Variants in IL16 observed in about 807,000 individuals in gnomAD.
The protein encoded by IL16 is pro-interleukin-16.
In IL16, 67 loss-of-function variants were observed where a neutral mutation model predicts 110.1. The observed-to-expected ratio is 0.61, with a 90% confidence interval of 0.50 to 0.75. IL16 has a LOEUF of 0.75. IL16 is among the 30% of genes least tolerant of loss of function. The pLI is 0.00. For missense variants in IL16, 1,545 were observed against 1,655.0 expected (o/e 0.93, Z 1.15); for synonymous variants, 689 against 662.9 (o/e 1.04, Z -0.61).
chr15:81,186,939 G>C (rs58168098), intron 1 of IL16, among the ~76,000 whole-genome samples: 3 of 152,066 alleles, frequency 2.0e-5, no homozygotes, highest in Non-Finnish European at 4.4e-5. Flanking sequence ...GATTACAAGA[G>C]TGAGCCACCA....
At chr15:81,283,779 G>C (rs916019772) in intron 9 of IL16, among the ~76,000 whole-genome samples, 2 of 152,168 alleles carry the variant, frequency 1.3e-5, no homozygotes, top group African/African-American at 4.8e-5. Flanking sequence ...GCTGAGGCGA[G>C]TGAATGGCCT....
chr15:81,223,268 G>A (rs1896679672), intron 1 of IL16, among the ~76,000 whole-genome samples: 1 of 151,724 alleles, frequency 6.6e-6, no homozygotes, highest in Admixed American at 6.6e-5. Flanking sequence ...ATGAGGGGAG[G>A]AAGTACAAAG....
At chr15:81,304,480 G>A (rs1203103420) in intron 16 of IL16, among the ~76,000 whole-genome samples, 1 of 152,200 alleles carries the variant, frequency 6.6e-6, no homozygotes. Flanking sequence ...TGTTGGCTGA[G>A]CACATGCACA....
intron 1 of IL16, among the ~76,000 whole-genome samples, chr15:81,199,667 A>G (rs1193574135): frequency 6.6e-6 from 1 of 152,168 alleles, no homozygotes; most frequent in Non-Finnish European, 1.5e-5. Flanking sequence ...GTCACCTACA[A>G]ACATCCCTTC....
At chr15:81,202,323 G>A (rs1456994069) in intron 1 of IL16, among the ~76,000 whole-genome samples, 1 of 152,200 alleles carries the variant, frequency 6.6e-6, no homozygotes, top group East Asian at 1.9e-4. Flanking sequence ...CCTGTTCTCA[G>A]AGCACAGACA....
At chr15:81,199,034 TATATATATATATA>T (rs1895713950) in intron 1 of IL16, among the ~76,000 whole-genome samples, 1 of 123,992 alleles carries the variant, frequency 8.1e-6, no homozygotes, top group Non-Finnish European at 1.7e-5. Context: ...AAAAAAAATA[TATATATATATATA>T]TATATATATA....
chr15:81,239,721 G>C (rs1430991937), intron 2 of IL16, among the ~76,000 whole-genome samples: 1 of 152,168 alleles, frequency 6.6e-6, no homozygotes, highest in South Asian at 2.1e-4. Context: ...GTCTTTGCTG[G>C]TCTTCCTCCT....
In IL16 at chr15:81,313,175, G is replaced by A. The variant is rs370844602; in HGVS notation, c.*4377G>A. 28 of 1,424,948 alleles carry A rather than the reference G, an allele frequency of 2.0e-5. No individual in the cohort carries two copies. The African/African-American group carries it at 4.0e-4, about 20-fold the overall frequency. The allele number at this position is 1,424,948 out of a possible 1,614,324, so 88.3% of individuals were successfully genotyped here. A position where few individuals can be genotyped will look rare whatever the true frequency, so the allele number is the denominator to read the frequency against. The stretch of plus-strand genomic sequence containing the variant: ...AAAGAGTGAACACAGGCCTCTGCGT[G>A]CTCCCAGGCTCCTTGGTGTCCCAAC... On this transcript the variant is annotated 3_prime_UTR_variant, in exon 19 of 19. Coordinates refer to ENST00000683961, the MANE Select transcript of IL16 (RefSeq NM_172217.5).
chr15:81,190,780 C>T (rs1015177628), intron 1 of IL16, among the ~76,000 whole-genome samples: 5 of 152,146 alleles, frequency 3.3e-5, no homozygotes, highest in Non-Finnish European at 5.9e-5. Flanking sequence ...GTGTCTAGGA[C>T]GGCGAGACAA....
chr15:81,293,781 AGACT>A (rs1380549124), intron 12 of IL16, among the ~76,000 whole-genome samples: 4 of 152,256 alleles, frequency 2.6e-5, no homozygotes, highest in Admixed American at 2.0e-4. Flanking sequence ...CATAAAAGGC[AGACT>A]GACTGACAGA....
chr15:81,236,323 A>T (rs564242972), intron 2 of IL16, among the ~76,000 whole-genome samples: 1 of 152,304 alleles, frequency 6.6e-6, no homozygotes, highest in East Asian at 1.9e-4. Context: ...TTCCTGCCGC[A>T]GAAGAGCGAC....
intron 2 of IL16, among the ~76,000 whole-genome samples, chr15:81,257,934 C>T (rs1342092532): frequency 2.0e-5 from 3 of 152,164 alleles, no homozygotes; most frequent in Non-Finnish European, 4.4e-5. Context: ...GTGACAGCCA[C>T]AGAAAGACAT....
Position 81,312,712 on chromosome 15 carries a change from T to C in IL16, c.*3914T>C, listed in dbSNP as rs1900927298. The stretch of plus-strand genomic sequence containing the variant: ...CTGTTTTTAAACCATTATTTCCAAG[T>C]TGACACCTTTTTTAAGGAAAAATAA... On this transcript the variant is annotated 3_prime_UTR_variant, in exon 19 of 19. Transcript: ENST00000683961. 6.6e-6 allele frequency: 1 copy of C among 152,278 alleles called. No individual in the cohort carries two copies. The highest frequency in any genetic ancestry group is 1.5e-5 in the Non-Finnish European group (1 of 68,052). 9.4% of individuals were successfully genotyped at this position (152,278 alleles called of 1,614,324 possible). A position where few individuals can be genotyped will look rare whatever the true frequency, so the allele number is the denominator to read the frequency against.
rs1899083277 is a variant in IL16, at chr15:81,279,706, G to T, written c.1013G>T (p.Ser338Ile). 3 of 1,614,138 alleles carry T rather than the reference G, an allele frequency of 1.9e-6. No homozygotes were observed. Among genetic ancestry groups the T allele is most frequent in the South Asian group, 2.2e-5 (2 of 91,094 alleles). ...GACAGCAGCTCCTTCGCCTTGGAAA[G>T]CCCCTCGGCTCCCATCAGCACCGCC... Reference protein sequence around the residue: ...TKDSSSFALESPSAPISTAKP... With the variant: ...TKDSSSFALEIPSAPISTAKP... Residue 338 changes from serine to isoleucine, a missense_variant, in exon 8 of 19, where the codon AGC (serine) becomes ATC (isoleucine). This residue lies in a region of IL16 where 1,185 missense variants were observed against 1,238.8 expected (regional missense o/e 0.96). Coordinates refer to ENST00000683961, the MANE Select transcript of IL16 (RefSeq NM_172217.5).
intron 12 of IL16, among the ~76,000 whole-genome samples, chr15:81,293,922 A>C (rs1434524581): frequency 1.3e-5 from 2 of 150,354 alleles, no homozygotes; most frequent in Admixed American, 1.3e-4. Flanking sequence ...GAGGGAACTG[A>C]GAAACTCGCT....
chr15:81,303,423 G>A lies in IL16; in HGVS notation c.3319-126G>A, dbSNP rs539181546. ...GATGAGGAAACTGAGGTTTGAGGAG[G>A]TGATGTAACTTGGAGGCTGGCCAAG... On this transcript the variant is annotated intron_variant, in intron 15 of 18. Transcript: ENST00000683961. This position sits in a 1 kb window ranked among gnomAD's most constrained non-coding sequence, Gnocchi z 4.1. The A allele has an allele frequency of 2.3e-4, 151 of 661,108 alleles. No homozygotes were observed. The African/African-American group carries it at 2.5e-3, about 11-fold the overall frequency. 41.0% of individuals were successfully genotyped at this position (661,108 alleles called of 1,614,324 possible).
At chr15:81,277,077 CA>C (rs567677800) in intron 6 of IL16, among the ~76,000 whole-genome samples, 13 of 149,964 alleles carry the variant, frequency 8.7e-5, no homozygotes, top group African/African-American at 3.2e-4. Context: ...TGGAAATGAG[CA>C]AAAAAAGCAG....
intron 2 of IL16, among the ~76,000 whole-genome samples, chr15:81,231,379 T>TCC (rs1182596690): frequency 6.9e-6 from 1 of 144,746 alleles, no homozygotes; most frequent in African/African-American, 2.7e-5. Flanking sequence ...TCTCTCTCTC[T>TCC]CTCCCTCTCT....
chr15:81,198,218 C>T lies in IL16; in HGVS notation c.-102+1066C>T, dbSNP rs540738377. ...ATAAAACTTAGTACCCCAACCATTT[C>T]CTGGCCACTCTTCAAGCCCCAGGCA... On this transcript the variant is annotated intron_variant, in intron 1 of 18. Coordinates refer to ENST00000683961, the MANE Select transcript of IL16 (RefSeq NM_172217.5). Among the ~76,000 whole-genome samples, 4 of 152,264 alleles carry T rather than the reference C, an allele frequency of 2.6e-5. No individual in the cohort carries two copies. In the South Asian group the frequency reaches 8.3e-4, roughly 32 times the overall value.
Sources: allele counts gnomAD v4.1 joint callset (sites outside exome capture counted in the v4.1 genomes callset), GRCh38; gene constraint gnomAD v4.1.1; regional missense constraint gnomAD v4.1.1; non-coding constraint Gnocchi (gnomAD v3.1); transcripts MANE v1.5; gene names NCBI Gene and HGNC (gene_info 2026-07-23, HGNC 2026-07-21).